The following NEO1 variants were observed in gnomAD, a reference collection of about 807,000 sequenced individuals.
NEO1 encodes neogenin 1, also known as neogenin.
A neutral mutation model predicts 159.7 loss-of-function variants in NEO1; 63 were observed. The ratio of observed to expected loss-of-function variants is 0.39; its 90% confidence interval spans 0.32 to 0.49. NEO1 has a LOEUF of 0.49. Among genes scored for constraint, NEO1 ranks in the 20% least tolerant of loss-of-function variants. The pLI, the probability that NEO1 is intolerant of heterozygous loss-of-function variation, is 0.85. For synonymous variants in NEO1, 633 were observed against 662.0 expected, an observed-to-expected ratio of 0.96 and a Z score of 0.67; for missense variants, 1,615 against 1,831.0, an observed-to-expected ratio of 0.88 and a Z score of 2.15.
At chr15:73,221,181 T>C (rs1400723226) in intron 7 of NEO1, among the ~76,000 whole-genome samples, 1 of 152,238 alleles carries the variant, frequency 6.6e-6, no homozygotes, top group Non-Finnish European at 1.5e-5. Flanking sequence ...TGGAGTTTGC[T>C]AGAGGTCCAC....
At chr15:73,110,999 TAAG>T (rs755988744) in intron 1 of NEO1, among the ~76,000 whole-genome samples, 1 of 152,076 alleles carries the variant, frequency 6.6e-6, no homozygotes, top group African/African-American at 2.4e-5. Flanking sequence ...AAAAAAAAGA[TAAG>T]AAGAATGTGT....
chr15:73,164,094 C>G (rs2034391831), intron 5 of NEO1, among the ~76,000 whole-genome samples: 1 of 150,290 alleles, frequency 6.7e-6, no homozygotes, highest in South Asian at 2.1e-4. Flanking sequence ...GTGGTGCAAT[C>G]TCAGCTCACT....
At chr15:73,288,675 G>A in intron 24 of NEO1, 124 bp downstream of exon 24, 1 of 777,422 alleles carries the variant, frequency 1.3e-6, no homozygotes, top group South Asian at 1.8e-5. Flanking sequence ...TTAGAGAAAT[G>A]TGTATGATAA....
intron 1 of NEO1, among the ~76,000 whole-genome samples, chr15:73,089,437 T>A (rs1214950011): frequency 1.3e-5 from 2 of 152,138 alleles, no homozygotes; most frequent in African/African-American, 4.8e-5. Flanking sequence ...ATAGGACTAG[T>A]GAACCAATAA....
intron 27 of NEO1, among the ~76,000 whole-genome samples, chr15:73,299,076 A>G (rs866038248): frequency 3.9e-5 from 6 of 152,100 alleles, no homozygotes; most frequent in South Asian, 2.1e-4. Context: ...CATTTACCCA[A>G]ATCCACACAG....
intron 8 of NEO1, among the ~76,000 whole-genome samples, chr15:73,240,922 T>C (rs1409475715): frequency 1.3e-5 from 2 of 152,252 alleles, no homozygotes; most frequent in Non-Finnish European, 2.9e-5. Flanking sequence ...AACTTTCTTA[T>C]TAATCTTATC....
chr15:73,240,364 G>A (rs2150884016), intron 8 of NEO1, among the ~76,000 whole-genome samples: 1 of 152,304 alleles, frequency 6.6e-6, no homozygotes, highest in South Asian at 2.1e-4. Flanking sequence ...GGGCAGGTGG[G>A]CATGACTAGT....
chr15:73,176,410 T>C lies in NEO1; in HGVS notation c.1023T>C (p.Pro341=). The C allele has an allele frequency of 1.3e-6, 2 of 1,548,316 alleles. No homozygotes were observed. Among genetic ancestry groups the C allele is most frequent in the Non-Finnish European group, 8.7e-7 (1 of 1,145,218 alleles). Residue 341 remains proline, a synonymous_variant, in exon 6 of 29, where the codon CCT becomes CCC. Coordinates refer to ENST00000261908, the MANE Select transcript of NEO1 (RefSeq NM_002499.4). Reference sequence around the variant, plus strand: ...TTCCTTTTTATTTTAAAGCTCAACCTGAATTCCTGAAGCAGCCTACTAATA... The same window carrying C: ...TTCCTTTTTATTTTAAAGCTCAACCCGAATTCCTGAAGCAGCCTACTAATA... ...AQAELTVQAQ[P]EFLKQPTNIY...
At chr15:73,090,791 C>T (rs1321642947) in intron 1 of NEO1, among the ~76,000 whole-genome samples, 1 of 152,096 alleles carries the variant, frequency 6.6e-6, no homozygotes, top group African/African-American at 2.4e-5. Flanking sequence ...ATTCTTACAT[C>T]GTTATAATCA....
At chr15:73,057,467 T>A (rs2151219025) in intron 1 of NEO1, among the ~76,000 whole-genome samples, 1 of 152,320 alleles carries the variant, frequency 6.6e-6, no homozygotes, top group South Asian at 2.1e-4. Context: ...TAAAATTGCA[T>A]CAATAATTGG....
chr15:73,052,564 C>A lies in NEO1; in HGVS notation c.-112C>A. On this transcript the variant is annotated 5_prime_UTR_variant, in exon 1 of 29. Transcript: ENST00000261908. ...GGGCCGGGCTGGGCTGGAGCAGCGG[C>A]GGCCGCGGGAGCCGAGCTTGCAGCG... is the stretch of plus-strand genomic sequence containing the variant. The A allele has an allele frequency of 1.7e-6, 1 of 582,374 alleles. No homozygotes were observed. The highest frequency in any genetic ancestry group is 2.4e-6 in the Non-Finnish European group (1 of 425,130). The allele number at this position is 582,374 out of a possible 1,614,324, so 36.1% of individuals were successfully genotyped here. A position where few individuals can be genotyped will look rare whatever the true frequency, so the allele number is the denominator to read the frequency against.
intron 1 of NEO1, among the ~76,000 whole-genome samples, chr15:73,101,463 T>G (rs1044063314): frequency 6.6e-6 from 1 of 152,208 alleles, no homozygotes. Flanking sequence ...TCTTTTCTGT[T>G]TGTACTCTGA....
chr15:73,112,475 G>C (rs2071056707), intron 1 of NEO1, among the ~76,000 whole-genome samples: 1 of 151,602 alleles, frequency 6.6e-6, no homozygotes, highest in African/African-American at 2.4e-5. Context: ...TTCTTTTCTA[G>C]CTTTTAGTTT....
intron 5 of NEO1, among the ~76,000 whole-genome samples, chr15:73,146,081 A>G (rs1213329580): frequency 2.0e-5 from 3 of 152,078 alleles, no homozygotes; most frequent in Non-Finnish European, 4.4e-5. Context: ...TCTGACTCCT[A>G]CCTATTCCTA....
At chr15:73,073,876 A>G (rs1160503975) in intron 1 of NEO1, among the ~76,000 whole-genome samples, 1 of 152,180 alleles carries the variant, frequency 6.6e-6, no homozygotes, top group African/African-American at 2.4e-5. Flanking sequence ...TTTCCCCCTC[A>G]TCTGCCAGGC....
chr15:73,249,254 G>A, intron 10 of NEO1, 46 bp downstream of exon 10: 1 of 1,584,736 alleles, frequency 6.3e-7, no homozygotes, highest in Non-Finnish European at 8.6e-7. Flanking sequence ...GAATAGTAGA[G>A]TTGAAATATA....
At position 73,187,485 on chromosome 15, in the gene NEO1, C is replaced by T. The variant is rs1366019167; in HGVS notation, c.1291+9058C>T. On this transcript the variant is annotated intron_variant, in intron 7 of 28. Transcript: ENST00000261908. ...GAAATAACTTAGAATCACAAACTAT[C>T]ACGGCTGAAAGATACGTATCATGTA... is the stretch of plus-strand genomic sequence containing the variant. Among the ~76,000 whole-genome samples the T allele has an allele frequency of 2.0e-5, 3 of 152,128 alleles. No individual in the cohort carries two copies. In the East Asian group the frequency reaches 5.8e-4, roughly 29 times the overall value.
At chr15:73,214,901 G>C (rs1459219333) in intron 7 of NEO1, among the ~76,000 whole-genome samples, 3 of 152,044 alleles carry the variant, frequency 2.0e-5, no homozygotes. Context: ...TTGATTCTAT[G>C]CATCCATGAG....
intron 18 of NEO1, 35 bp from the exon 19 acceptor site, chr15:73,272,420 G>A: frequency 1.3e-6 from 2 of 1,512,904 alleles, no homozygotes; most frequent in South Asian, 2.3e-5. Context: ...AATTTGAAAT[G>A]GACAGAAATT....
Sources: allele counts gnomAD v4.1 joint callset (sites outside exome capture counted in the v4.1 genomes callset), GRCh38; gene constraint gnomAD v4.1.1; transcripts MANE v1.5; gene names NCBI Gene and HGNC (gene_info 2026-07-23, HGNC 2026-07-21).